The following GALNT9 variants were observed in gnomAD, a reference collection of about 807,000 sequenced individuals.
GALNT9 encodes the protein polypeptide N-acetylgalactosaminyltransferase 9, also known as GalNAc transferase 9.
Under a neutral mutation model 63.1 loss-of-function variants are expected in GALNT9, and 47 were observed. That is an observed-to-expected ratio of 0.75 (90% CI 0.59 to 0.95). The LOEUF (loss-of-function observed/expected upper bound fraction) is 0.95. Ranked by LOEUF, GALNT9 falls within the 40% of genes least tolerant of loss-of-function variation. The probability of loss-of-function intolerance (pLI) is 0.00; values close to 1 mark genes in which losing one functional copy is unlikely to be tolerated. For missense variants in GALNT9, 829 were observed against 874.8 expected (o/e 0.95, Z 0.66); for synonymous variants, 396 against 365.7 (o/e 1.08, Z -0.94).
intron 1 of GALNT9, among the ~76,000 whole-genome samples, chr12:132,325,456 AG>A (rs1378351159): frequency 6.6e-6 from 1 of 152,182 alleles, no homozygotes; most frequent in Admixed American, 6.5e-5. Context: ...CTGAGGCTGG[AG>A]GAAGCCTGAG....
In GALNT9 at chr12:132,316,525, C is replaced by T. The variant is rs1010238637; in HGVS notation, c.238+12441G>A. Among the ~76,000 whole-genome samples, 2 of 152,110 alleles carry T rather than the reference C, an allele frequency of 1.3e-5. No homozygotes were observed. Among genetic ancestry groups the T allele is most frequent in the Non-Finnish European group, 2.9e-5 (2 of 68,000 alleles). ...CGGAGAATCAGGAGCACCCGAGCTT[C>T]CCACCCTAACCACCTGTGCTCAGGG... is the stretch of plus-strand genomic sequence containing the variant. On this transcript the variant is annotated intron_variant, in intron 1 of 10. Coordinates refer to ENST00000328957, the MANE Select transcript of GALNT9 (RefSeq NM_001122636.2). This position sits in a 1 kb window ranked among gnomAD's most constrained non-coding sequence, Gnocchi z 4.3.
At chr12:132,285,287 G>A (rs1555242052) in intron 2 of GALNT9, among the ~76,000 whole-genome samples, 1 of 152,260 alleles carries the variant, frequency 6.6e-6, no homozygotes, top group African/African-American at 2.4e-5. Context: ...GCCACCAGGG[G>A]CCCTCCCAGG....
In GALNT9 at chr12:132,327,741, C is replaced by T. The variant is rs142136827; in HGVS notation, c.238+1225G>A. ...AGGGATTCTGTGGGTGATGGGAAGG[C>T]GCTCAGGAAGTCAGGGTGCTCTGAG... On this transcript the variant is annotated intron_variant, in intron 1 of 10. Transcript: ENST00000328957. The surrounding 1 kb of genome is among the most constrained non-coding windows in gnomAD (Gnocchi z 4.3). Among the ~76,000 whole-genome samples the T allele has an allele frequency of 8.7e-3, 1,317 of 152,218 alleles. 8 individuals carry two copies. The highest frequency in any genetic ancestry group is 0.012 in the Non-Finnish European group (846 of 68,012).
chr12:132,231,085 C>T (rs1447010690), intron 6 of GALNT9, among the ~76,000 whole-genome samples: 5 of 88,134 alleles, frequency 5.7e-5, no homozygotes, highest in African/African-American at 1.1e-4. Flanking sequence ...CTCGATGGGG[C>T]GACAGAGGAG....
At position 132,246,793 on chromosome 12, in the gene GALNT9, A is replaced by C. The variant is rs1555238028; in HGVS notation, c.1077+1117T>G. On this transcript the variant is annotated intron_variant, in intron 6 of 10. Coordinates refer to ENST00000328957, the MANE Select transcript of GALNT9 (RefSeq NM_001122636.2). This position sits in a 1 kb window ranked among gnomAD's most constrained non-coding sequence, Gnocchi z 4.7. The stretch of plus-strand genomic sequence containing the variant: ...TGATCCACCCACCTCTGCCTCCCAC[A>C]GTGTTGGGATTACAGGCGTGAGCCT... 1.3e-5 allele frequency among the ~76,000 whole-genome samples: 2 copies of C among 152,212 alleles called. No individual in the cohort carries two copies.
intron 1 of GALNT9, among the ~76,000 whole-genome samples, chr12:132,323,233 T>C (rs1555246275): frequency 6.6e-6 from 1 of 152,234 alleles, no homozygotes; most frequent in Non-Finnish European, 1.5e-5. Context: ...CTCTGAAATA[T>C]GCAGGTTGCT....
rs1300925069 is a variant in GALNT9 at position 132,196,602 on chromosome 12, GCACCC to G, written c.*500_*504del. The G allele has an allele frequency of 3.0e-6, 3 of 988,064 alleles. No homozygotes were observed. Among genetic ancestry groups the G allele is most frequent in the East Asian group, 1.1e-4 (1 of 8,854 alleles). The allele number at this position is 988,064 out of a possible 1,614,324, so 61.2% of individuals were successfully genotyped here. ...GGTTTGTCGCTGTCCATGTCCTCCA[GCACCC>G]CTCTTACCAGACCACAAGGAGCTGC... On this transcript the variant is annotated 3_prime_UTR_variant, in exon 11 of 11. Coordinates refer to ENST00000328957, the MANE Select transcript of GALNT9 (RefSeq NM_001122636.2).
chr12:132,217,274 CATCT>C (rs199739160), intron 6 of GALNT9, among the ~76,000 whole-genome samples: 1,567 of 150,490 alleles, frequency 0.01, 32 homozygotes, highest in African/African-American at 0.037. Context: ...TTCACTCATC[CATCT>C]ATCTATCCAT....
At chr12:132,292,086 C>G (rs1034272362) in intron 1 of GALNT9, among the ~76,000 whole-genome samples, 11 of 152,226 alleles carry the variant, frequency 7.2e-5, no homozygotes, top group African/African-American at 2.7e-4. Flanking sequence ...AGGTTCTAAC[C>G]TGAAGCCATT....
intron 1 of GALNT9, among the ~76,000 whole-genome samples, chr12:132,293,641 G>T (rs782578976): frequency 2.6e-5 from 4 of 152,262 alleles, no homozygotes; most frequent in Admixed American, 6.5e-5. Flanking sequence ...CAGTAGTAGG[G>T]ACCCTGTGTA....
At chr12:132,299,053 C>G (rs1881187540) in intron 1 of GALNT9, among the ~76,000 whole-genome samples, 4 of 146,442 alleles carry the variant, frequency 2.7e-5, no homozygotes, top group Admixed American at 2.7e-4. Context: ...CCATACCTCA[C>G]CCACTCCCAC....
chr12:132,250,382 T>C (rs959541797), intron 5 of GALNT9, among the ~76,000 whole-genome samples: 1 of 152,180 alleles, frequency 6.6e-6, no homozygotes, highest in Admixed American at 6.5e-5. Flanking sequence ...TGCACGACAC[T>C]GTGATGGTCG....
At chr12:132,219,102 C>A (rs1012856194) in intron 6 of GALNT9, among the ~76,000 whole-genome samples, 1 of 152,172 alleles carries the variant, frequency 6.6e-6, no homozygotes, top group South Asian at 2.1e-4. Flanking sequence ...CCCGGTCCCA[C>A]CCCCCTCCAC....
At chr12:132,223,194 C>CACACAACCCACACCG (rs1877541518) in intron 6 of GALNT9, among the ~76,000 whole-genome samples, 1 of 109,158 alleles carries the variant, frequency 9.2e-6, no homozygotes, top group East Asian at 2.9e-4. Context: ...AACCCACACC[C>CACACAACCCACACCG]CACATACACC....
Position 132,296,765 on chromosome 12 carries a change from A to G in GALNT9, c.239-10335T>C, listed in dbSNP as rs1313407652. 3.3e-5 allele frequency among the ~76,000 whole-genome samples: 5 copies of G among 150,618 alleles called. No homozygotes were observed. Among genetic ancestry groups the G allele is most frequent in the African/African-American group, 1.2e-4 (5 of 40,980 alleles). ...GGAGGCTGGGAAGTCCAAGATGAAG[A>G]GGCACGGATCTGACTTCGGCCTCTG... On this transcript the variant is annotated intron_variant, in intron 1 of 10. Transcript: ENST00000328957. The surrounding 1 kb of genome is among the most constrained non-coding windows in gnomAD (Gnocchi z 4.2).
chr12:132,318,387 C>T (rs565473553), intron 1 of GALNT9, among the ~76,000 whole-genome samples: 17 of 152,178 alleles, frequency 1.1e-4, no homozygotes, highest in Non-Finnish European at 2.1e-4. Flanking sequence ...GGATGCCTCT[C>T]TTCAGGGCCA....
chr12:132,292,709 G>A (rs540614338), intron 1 of GALNT9, among the ~76,000 whole-genome samples: 66 of 152,334 alleles, frequency 4.3e-4, no homozygotes, highest in South Asian at 1.0e-3. Flanking sequence ...CCAGCAGGGC[G>A]GGGCGTGCGA....
At chr12:132,241,161 C>T (rs2136900865) in intron 6 of GALNT9, among the ~76,000 whole-genome samples, 6,341 of 39,734 alleles carry the variant, frequency 0.16, no homozygotes, top group Non-Finnish European at 0.19. Flanking sequence ...ATTACACACA[C>T]GCCACACCCC....
In GALNT9 at chr12:132,319,522, T is replaced by C. The variant is rs777062404; in HGVS notation, c.238+9444A>G. Among the ~76,000 whole-genome samples the C allele has an allele frequency of 1.3e-5, 2 of 152,196 alleles. No homozygotes were observed. The highest frequency in any genetic ancestry group is 2.9e-5 in the Non-Finnish European group (2 of 68,024). ...GGGCCTGCAGCTTGCAGACGGCAGA[T>C]GATGGGGCCTCTTGGTCTGCACAGT... On this transcript the variant is annotated intron_variant, in intron 1 of 10. Coordinates refer to ENST00000328957, the MANE Select transcript of GALNT9 (RefSeq NM_001122636.2). This position sits in a 1 kb window ranked among gnomAD's most constrained non-coding sequence, Gnocchi z 5.2.
Sources: allele counts gnomAD v4.1 joint callset (sites outside exome capture counted in the v4.1 genomes callset), GRCh38; gene constraint gnomAD v4.1.1; non-coding constraint Gnocchi (gnomAD v3.1); transcripts MANE v1.5; gene names NCBI Gene and HGNC (gene_info 2026-07-23, HGNC 2026-07-21).